Variants in LDHC observed in about 807,000 individuals in gnomAD.
The protein encoded by LDHC is L-lactate dehydrogenase C chain.
In LDHC, 20 loss-of-function variants were observed where a neutral mutation model predicts 30.2. The observed-to-expected ratio is 0.66, with a 90% CI of 0.47 to 0.96. The LOEUF is 0.96. Among genes scored for constraint, LDHC ranks in the 40% least tolerant of loss-of-function variants. LDHC has a pLI of 0.00. For missense variants in LDHC, 362 were observed against 394.9 expected, an observed-to-expected ratio of 0.92 and a Z score of 0.71; for synonymous variants, 139 against 132.7, an observed-to-expected ratio of 1.05 and a Z score of -0.32.
At chr11:18,431,759 C>T (rs950727052) in intron 4 of LDHC, among the ~76,000 whole-genome samples, 3 of 152,056 alleles carry the variant, frequency 2.0e-5, no homozygotes, top group Admixed American at 1.3e-4. Context: ...CCATGTTGGC[C>T]AGGCTGGTCT....
chr11:18,440,344 AAAT>A (rs1848443888), intron 6 of LDHC, among the ~76,000 whole-genome samples: 1 of 152,060 alleles, frequency 6.6e-6, no homozygotes, highest in Non-Finnish European at 1.5e-5. Context: ...AAATAAAATA[AAAT>A]AATAAAACAA....
chr11:18,416,398 A>T (rs1259881709), intron 3 of LDHC, among the ~76,000 whole-genome samples: 1 of 152,188 alleles, frequency 6.6e-6, no homozygotes, highest in East Asian at 1.9e-4. Flanking sequence ...AGGAAACATA[A>T]TTATTTTATC....
chr11:18,446,314 C>T lies in LDHC; in HGVS notation c.815C>T (p.Pro272Leu), dbSNP rs1368902927. ...TTGAAAAATCTTAGGAGAGTGCACC[C>T]AGTTTCCACCATGGTTAAGGTAGGC... Reference protein sequence around the residue: ...SILKNLRRVHPVSTMVKGLYG... With the variant: ...SILKNLRRVHLVSTMVKGLYG... Residue 272 changes from proline (P) to leucine (L), a missense_variant, in exon 7 of 8, where the codon CCA (proline) becomes CTA (leucine). Pro to Leu is a moderately conservative substitution (Grantham distance 98, BLOSUM62 -3). Transcript: ENST00000541669. 1 of 1,605,902 alleles carries T rather than the reference C, an allele frequency of 6.2e-7. No individual in the cohort carries two copies. The highest frequency in any genetic ancestry group is 8.5e-7 in the Non-Finnish European group (1 of 1,172,886).
chr11:18,434,726 A>T lies in LDHC; in HGVS notation c.419-14A>T. ...ATGATGAATCTTTTTCTAACACAAAATTTTTCTTCTTAGTGGATATTTTGA... is the reference window on the plus strand; with the variant it reads ...ATGATGAATCTTTTTCTAACACAAATTTTTTCTTCTTAGTGGATATTTTGA... On this transcript the variant is annotated splice_polypyrimidine_tract_variant and intron_variant, in intron 4 of 7. Transcript: ENST00000541669. 2 of 1,538,106 alleles carry T rather than the reference A, an allele frequency of 1.3e-6. No homozygotes were observed. Among genetic ancestry groups the T allele is most frequent in the East Asian group, 4.5e-5 (2 of 44,254 alleles).
At chr11:18,425,946 AAAAAAG>A (rs928489395) in intron 3 of LDHC, among the ~76,000 whole-genome samples, 10 of 151,810 alleles carry the variant, frequency 6.6e-5, no homozygotes, top group African/African-American at 2.2e-4. Context: ...GTCTCAGAAA[AAAAAAG>A]AAAAAAGAAA....
At chr11:18,427,440 G>A (rs530319348) in intron 3 of LDHC, among the ~76,000 whole-genome samples, 11 of 152,222 alleles carry the variant, frequency 7.2e-5, no homozygotes, top group Admixed American at 7.2e-4. Flanking sequence ...AGTTAGAGGG[G>A]TAGGCAAAGT....
chr11:18,416,085 T>C (rs151072502), intron 3 of LDHC, among the ~76,000 whole-genome samples: 1,572 of 152,328 alleles, frequency 0.01, 31 homozygotes, highest in African/African-American at 0.036. Flanking sequence ...TAAAGAAAAA[T>C]TGAATCTCTT....
chr11:18,425,662 A>G (rs1565049747), intron 3 of LDHC, among the ~76,000 whole-genome samples: 1 of 152,130 alleles, frequency 6.6e-6, no homozygotes, highest in Non-Finnish European at 1.5e-5. Context: ...ATTTTGTGCC[A>G]GGCGTGGTGG....
intron 7 of LDHC, among the ~76,000 whole-genome samples, chr11:18,449,692 C>G (rs1848621937): frequency 6.6e-6 from 1 of 152,082 alleles, no homozygotes; most frequent in Non-Finnish European, 1.5e-5. Context: ...GGGAGCTGGA[C>G]TATGGTAGAG....
At chr11:18,448,745 A>ATTTTT (rs142663276) in intron 7 of LDHC, among the ~76,000 whole-genome samples, 4 of 147,790 alleles carry the variant, frequency 2.7e-5, no homozygotes, top group Non-Finnish European at 4.5e-5. Flanking sequence ...TATTAATTGG[A>ATTTTT]TTTTTTTTTT....
Position 18,446,479 on chromosome 11 carries a change from A to T in LDHC, c.834+146A>T, listed in dbSNP as rs1647069113. The T allele has an allele frequency of 1.3e-5, 8 of 618,990 alleles. No homozygotes were observed. In the South Asian group the frequency reaches 1.5e-4, roughly 12 times the overall value. The allele number at this position is 618,990 out of a possible 1,614,324, so 38.3% of individuals were successfully genotyped here. A position where few individuals can be genotyped will look rare whatever the true frequency, so the allele number is the denominator to read the frequency against. On this transcript the variant is annotated intron_variant, in intron 7 of 7. Coordinates refer to ENST00000541669, the MANE Select transcript of LDHC (RefSeq NM_017448.5). ...CTTGACCTCAGGTCAGGTCAAAAAA[A>T]TACAGATACCTTGACCTAAGGAAGG...
At chr11:18,416,097 T>C (rs887692907) in intron 3 of LDHC, among the ~76,000 whole-genome samples, 1 of 152,260 alleles carries the variant, frequency 6.6e-6, no homozygotes, top group Non-Finnish European at 1.5e-5. Context: ...GAATCTCTTC[T>C]ATTAATGACT....
chr11:18,431,657 T>C (rs998913726), intron 4 of LDHC, among the ~76,000 whole-genome samples: 10 of 152,114 alleles, frequency 6.6e-5, no homozygotes, highest in Non-Finnish European at 1.3e-4. Context: ...GCGATTCTCC[T>C]GTTCAGCCTC....
intron 5 of LDHC, among the ~76,000 whole-genome samples, chr11:18,436,240 C>T (rs1848351248): frequency 6.6e-6 from 1 of 152,006 alleles, no homozygotes; most frequent in Admixed American, 6.6e-5. Context: ...TATTCTATAA[C>T]TTTATTTTTA....
chr11:18,440,946 AT>A (rs763078226), intron 6 of LDHC, among the ~76,000 whole-genome samples: 118 of 149,038 alleles, frequency 7.9e-4, no homozygotes, highest in South Asian at 4.2e-3. Context: ...CTCTAAAAAA[AT>A]AAATAAATAA....
chr11:18,423,207 T>C (rs1590225594), intron 3 of LDHC, among the ~76,000 whole-genome samples: 1 of 152,052 alleles, frequency 6.6e-6, no homozygotes, highest in African/African-American at 2.4e-5. Context: ...ACACCTGTAG[T>C]CCCAGCTACT....
intron 6 of LDHC, among the ~76,000 whole-genome samples, chr11:18,440,042 C>A (rs1450973477): frequency 6.7e-6 from 1 of 149,858 alleles, no homozygotes; most frequent in East Asian, 2.0e-4. Flanking sequence ...TGGCTTATGC[C>A]TGTAATCCCA....
At position 18,439,826 on chromosome 11, in the gene LDHC, A is replaced by C. The variant is rs533934670; in HGVS notation, c.710+1181A>C. Among the ~76,000 whole-genome samples, 310 of 145,184 alleles carry C rather than the reference A, an allele frequency of 2.1e-3. 5 individuals are homozygous for C. The highest frequency in any genetic ancestry group is 7.0e-3 in the Middle Eastern group (2 of 286). ...CCGTCTCTACTAAAAAAAAAAAAAA[A>C]AAAAAAAAAACAAAAATTAGCCAGC... is the stretch of plus-strand genomic sequence containing the variant. On this transcript the variant is annotated intron_variant, in intron 6 of 7. Coordinates refer to ENST00000541669, the MANE Select transcript of LDHC (RefSeq NM_017448.5).
intron 6 of LDHC, among the ~76,000 whole-genome samples, chr11:18,444,106 G>C (rs894725715): frequency 4.6e-5 from 7 of 152,170 alleles, no homozygotes; most frequent in African/African-American, 7.2e-5. Flanking sequence ...GTTCCCAAGA[G>C]GGCATTTGGT....
Sources: allele counts gnomAD v4.1 joint callset (sites outside exome capture counted in the v4.1 genomes callset), GRCh38; gene constraint gnomAD v4.1.1; transcripts MANE v1.5; gene names NCBI Gene and HGNC (gene_info 2026-07-23, HGNC 2026-07-21).